The following CREB5 variants were observed in gnomAD, a reference collection of about 807,000 sequenced individuals.
CREB5 encodes cAMP responsive element binding protein 5.
Under a neutral mutation model 57.1 loss-of-function variants are expected in CREB5, and 19 were observed. The ratio of observed to expected loss-of-function variants is 0.33; its 90% CI spans 0.23 to 0.49. The LOEUF is 0.49. CREB5 is among the 20% of genes least tolerant of loss of function. The pLI, the probability that CREB5 is intolerant of heterozygous loss-of-function variation, is 0.99. For missense variants in CREB5, 579 were observed against 671.6 expected (o/e 0.86, Z 1.52); for synonymous variants, 238 against 238.3 (o/e 1.00, Z 0.01).
intron 4 of CREB5, among the ~76,000 whole-genome samples, chr7:28,568,998 AT>A (rs1010842638): frequency 6.6e-5 from 10 of 151,826 alleles, no homozygotes; most frequent in Admixed American, 1.3e-4. Flanking sequence ...GTGGCACTCC[AT>A]TTTTTTCCCT....
At position 28,429,034 on chromosome 7, in the gene CREB5, G is replaced by GT. The variant is rs944798165; in HGVS notation, c.3+16126dup. On this transcript the variant is annotated intron_variant, in intron 1 of 10. Coordinates refer to ENST00000357727, the MANE Select transcript of CREB5 (RefSeq NM_182898.4). Reference sequence around the variant, plus strand: ...GATGTTTAGTTTAATTTAAAAAAAAGTTTTTTTTTGAGATGGAATCTCACT... The same window carrying GT: ...GATGTTTAGTTTAATTTAAAAAAAAGTTTTTTTTTTGAGATGGAATCTCACT... Among the ~76,000 whole-genome samples the GT allele has an allele frequency of 1.3e-4, 20 of 151,674 alleles. No homozygotes were observed. In the East Asian group the frequency reaches 2.3e-3, roughly 18 times the overall value.
intron 5 of CREB5, among the ~76,000 whole-genome samples, chr7:28,618,460 G>T (rs1300367657): frequency 6.6e-6 from 1 of 152,062 alleles, no homozygotes; most frequent in East Asian, 1.9e-4. Flanking sequence ...TTCCTTATCA[G>T]ATGCTGCTCT....
intron 5 of CREB5, 107 bp downstream of exon 5, chr7:28,570,644 C>A: frequency 8.0e-7 from 1 of 1,252,258 alleles, no homozygotes; most frequent in Non-Finnish European, 1.1e-6. Context: ...TTCTGGCTGT[C>A]ATGATATTGC....
chr7:28,774,007 T>G (rs183855661), intron 7 of CREB5, among the ~76,000 whole-genome samples: 1 of 152,206 alleles, frequency 6.6e-6, no homozygotes, highest in Admixed American at 6.5e-5. Context: ...TTTCCCTCCA[T>G]GTAGAGGTTG....
At chr7:28,491,167 A>G (rs1230917940) in intron 2 of CREB5, 1 of 978,666 alleles carries the variant, frequency 1.0e-6, no homozygotes, top group Non-Finnish European at 1.2e-6. Flanking sequence ...AAGCGGAGTG[A>G]TATAACGGTA....
chr7:28,751,502 T>C (rs960380384), intron 7 of CREB5, among the ~76,000 whole-genome samples: 11 of 152,248 alleles, frequency 7.2e-5, no homozygotes, highest in Admixed American at 7.2e-4. Flanking sequence ...TTTGCAAATA[T>C]CTACGAGGAT....
chr7:28,517,068 A>T (rs1334739087), intron 4 of CREB5, among the ~76,000 whole-genome samples: 2 of 152,184 alleles, frequency 1.3e-5, no homozygotes, highest in Non-Finnish European at 2.9e-5. Flanking sequence ...AAAGTAAATG[A>T]CTAAAAGATG....
At chr7:28,749,145 G>A (rs1336979532) in intron 7 of CREB5, 1 of 152,234 alleles carries the variant, frequency 6.6e-6, no homozygotes, top group Non-Finnish European at 1.5e-5. Context: ...ATCTGTGAAA[G>A]CAGAGGCCTC....
At chr7:28,320,182 C>T (rs1460195714) in intron 1 of CREB5, among the ~76,000 whole-genome samples, 5 of 152,062 alleles carry the variant, frequency 3.3e-5, no homozygotes, top group African/African-American at 4.8e-5. Context: ...CTGCTTGCCT[C>T]GGCCTCGGAT....
rs1446008817 is a variant in CREB5, at chr7:28,491,188, G to A, written c.75+2942G>A. 6 of 985,176 alleles carry A rather than the reference G, an allele frequency of 6.1e-6. No individual in the cohort carries two copies. In the African/African-American group the frequency reaches 8.7e-5, roughly 14 times the overall value. 61.0% of individuals were successfully genotyped at this position (985,176 alleles called of 1,614,324 possible). The stretch of plus-strand genomic sequence containing the variant: ...AGTGATATAACGGTAGCCTGAGAAG[G>A]AAACAGTTTTTTTAAAAATTAAAGG... On this transcript the variant is annotated intron_variant, in intron 2 of 10. Coordinates refer to ENST00000357727, the MANE Select transcript of CREB5 (RefSeq NM_182898.4).
chr7:28,821,651 A>G lies in CREB5; in HGVS notation c.*2372A>G, dbSNP rs1013848988. The G allele has an allele frequency of 6.6e-6, 1 of 152,178 alleles. No homozygotes were observed. Among genetic ancestry groups the G allele is most frequent in the Admixed American group, 6.5e-5 (1 of 15,278 alleles). The allele number at this position is 152,178 out of a possible 1,614,324, so 9.4% of individuals were successfully genotyped here. On this transcript the variant is annotated 3_prime_UTR_variant, in exon 11 of 11. Transcript: ENST00000357727. ...ACTGGCTTCCTAAGAAATGTTTAAGACTCAGCTTTAAAAAGAAGTTAACAT... is the reference window on the plus strand; with the variant it reads ...ACTGGCTTCCTAAGAAATGTTTAAGGCTCAGCTTTAAAAAGAAGTTAACAT...
chr7:28,672,238 G>A (rs552586790), intron 5 of CREB5, among the ~76,000 whole-genome samples: 1 of 149,178 alleles, frequency 6.7e-6, no homozygotes, highest in African/African-American at 2.5e-5. Flanking sequence ...GGTTTTAAAA[G>A]ACCTGGGATC....
At chr7:28,803,298 A>G (rs200103951) in intron 7 of CREB5, among the ~76,000 whole-genome samples, 1 of 152,094 alleles carries the variant, frequency 6.6e-6, no homozygotes, top group African/African-American at 2.4e-5. Context: ...AAATCATGGT[A>G]ACAGAAAAGA....
At chr7:28,437,015 T>C (rs1161992044) in intron 1 of CREB5, among the ~76,000 whole-genome samples, 6 of 152,128 alleles carry the variant, frequency 3.9e-5, no homozygotes, top group African/African-American at 1.4e-4. Context: ...TGAATGTCTT[T>C]GGTTTGGTGC....
chr7:28,604,172 G>A (rs749868482), intron 5 of CREB5, among the ~76,000 whole-genome samples: 1 of 152,116 alleles, frequency 6.6e-6, no homozygotes, highest in Non-Finnish European at 1.5e-5. Context: ...AGGAAATGAG[G>A]AATCAAGAAC....
At chr7:28,632,962 C>G (rs866828756) in intron 5 of CREB5, among the ~76,000 whole-genome samples, 8 of 152,196 alleles carry the variant, frequency 5.3e-5, no homozygotes, top group South Asian at 2.1e-4. Flanking sequence ...ATCATGGGCA[C>G]TCGATGGCTG....
chr7:28,771,487 T>G (rs896512989), intron 7 of CREB5, among the ~76,000 whole-genome samples: 3 of 152,144 alleles, frequency 2.0e-5, no homozygotes, highest in Admixed American at 2.0e-4. Context: ...CCCCTCATCC[T>G]CTTTAAAAGA....
intron 1 of CREB5, 84 bp from the exon 2 acceptor site, chr7:28,488,087 GTGAT>G: frequency 2.6e-6 from 3 of 1,175,926 alleles, no homozygotes; most frequent in Non-Finnish European, 3.8e-6. Flanking sequence ...GGGGCTCTGA[GTGAT>G]TGCCTTTCTC....
intron 1 of CREB5, among the ~76,000 whole-genome samples, chr7:28,305,497 G>C (rs1408413320): frequency 6.6e-6 from 1 of 152,128 alleles, no homozygotes; most frequent in Non-Finnish European, 1.5e-5. Flanking sequence ...CCCCAGTGCT[G>C]TGGAGAAATG....
Sources: gnomAD v4.1 joint callset for allele counts (sites outside exome capture counted in the v4.1 genomes callset) on GRCh38, gnomAD v4.1.1 for gene constraint, MANE v1.5 for transcripts, NCBI Gene and HGNC (gene_info 2026-07-23, HGNC 2026-07-21) for gene names.